The following PRKAR1B variants were observed in gnomAD, a reference collection of about 807,000 sequenced individuals.
PRKAR1B encodes cAMP-dependent protein kinase type I-beta regulatory subunit.
A neutral mutation model predicts 46.5 loss-of-function variants in PRKAR1B; 22 were observed. The observed-to-expected ratio is 0.47, with a 90% CI of 0.34 to 0.68. PRKAR1B has a LOEUF of 0.68. PRKAR1B is among the 30% of genes least tolerant of loss of function. The pLI is 0.01. For missense variants in PRKAR1B, 445 were observed against 535.6 expected (o/e 0.83, Z 1.67); for synonymous variants, 259 against 217.7 (o/e 1.19, Z -1.67).
At position 636,411 on chromosome 7, in the gene PRKAR1B, G is replaced by GA. The variant is rs527654634; in HGVS notation, c.441-28960_441-28959insT. Among the ~76,000 whole-genome samples, 20 of 86,374 alleles carry GA rather than the reference G, an allele frequency of 2.3e-4. 1 individual carries two copies. Among genetic ancestry groups the GA allele is most frequent in the South Asian group, 1.1e-3 (3 of 2,664 alleles). The allele number at this position is 86,374 out of a possible 152,430, so 56.7% of individuals were successfully genotyped here. On this transcript the variant is annotated intron_variant, in intron 4 of 10. Transcript: ENST00000537384. ...GGCCGCGCCCTCACGTCCTCCACCG[G>GA]CCGCGCCCACACGTCCTCCACCGGC... is the stretch of plus-strand genomic sequence containing the variant.
intron 4 of PRKAR1B, among the ~76,000 whole-genome samples, chr7:629,214 T>C (rs1174067670): frequency 6.6e-6 from 1 of 152,264 alleles, no homozygotes; most frequent in Non-Finnish European, 1.5e-5. Flanking sequence ...CTGGTTCCAC[T>C]GTAGCCCTCA....
chr7:672,107 A>G (rs778299589), intron 4 of PRKAR1B, among the ~76,000 whole-genome samples: 1 of 152,050 alleles, frequency 6.6e-6, no homozygotes, highest in Non-Finnish European at 1.5e-5. Flanking sequence ...CTGGCACACA[A>G]TGAATCCTCT....
At chr7:583,700 T>A (rs112858952) in intron 8 of PRKAR1B, among the ~76,000 whole-genome samples, 5 of 50,764 alleles carry the variant, frequency 9.8e-5, no homozygotes, top group Non-Finnish European at 1.7e-4. Context: ...ACTCACACCC[T>A]CACACACGTG....
chr7:647,131 C>T (rs753137407), intron 4 of PRKAR1B, among the ~76,000 whole-genome samples: 33 of 152,228 alleles, frequency 2.2e-4, no homozygotes, highest in Admixed American at 5.2e-4. Flanking sequence ...TCCTACAGGG[C>T]GCCCAAACTC....
chr7:589,408 G>A (rs28663618), intron 7 of PRKAR1B, among the ~76,000 whole-genome samples: 7 of 151,496 alleles, frequency 4.6e-5, no homozygotes, highest in African/African-American at 1.2e-4. Context: ...CCCAGCCCTC[G>A]TCCTCAGCAG....
intron 2 of PRKAR1B, among the ~76,000 whole-genome samples, chr7:685,184 G>A (rs930058823): frequency 5.5e-5 from 8 of 144,552 alleles, no homozygotes; most frequent in African/African-American, 1.6e-4. Flanking sequence ...CAAAGACAGA[G>A]AAAAACCATG....
At chr7:624,368 G>T (rs1783269345) in intron 4 of PRKAR1B, among the ~76,000 whole-genome samples, 1 of 152,096 alleles carries the variant, frequency 6.6e-6, no homozygotes, top group Admixed American at 6.5e-5. Context: ...AGAAGGTGGG[G>T]GTTGCATTGA....
chr7:606,095 C>G, intron 6 of PRKAR1B, 98 bp downstream of exon 6: 1 of 1,123,156 alleles, frequency 8.9e-7, no homozygotes, highest in Non-Finnish European at 1.4e-6. Flanking sequence ...GCACTCAGCG[C>G]AGTGTTTGTT....
At chr7:587,476 C>T (rs900845432) in intron 7 of PRKAR1B, among the ~76,000 whole-genome samples, 7 of 152,310 alleles carry the variant, frequency 4.6e-5, no homozygotes, top group Middle Eastern at 3.4e-3. Flanking sequence ...GGGGGTCTGC[C>T]CTGGCCCCGC....
chr7:715,597 A>G (rs1780843832), intron 1 of PRKAR1B, among the ~76,000 whole-genome samples: 1 of 152,136 alleles, frequency 6.6e-6, no homozygotes, highest in Admixed American at 6.5e-5. Flanking sequence ...CAGCAAAGGT[A>G]TTCACATTTC....
chr7:562,991 G>A (rs539232904), intron 9 of PRKAR1B, among the ~76,000 whole-genome samples: 231 of 152,312 alleles, frequency 1.5e-3, no homozygotes, highest in Admixed American at 2.5e-3. Context: ...CCAGGGTGCT[G>A]GACACCAGAA....
intron 4 of PRKAR1B, among the ~76,000 whole-genome samples, chr7:629,499 C>T (rs1202721011): frequency 7.9e-6 from 1 of 125,894 alleles, no homozygotes; most frequent in Non-Finnish European, 1.6e-5. Context: ...AGCGGGGCCA[C>T]GGCCTCCGAA....
At chr7:584,031 G>A (rs113655185) in intron 8 of PRKAR1B, among the ~76,000 whole-genome samples, 1,604 of 152,304 alleles carry the variant, frequency 0.011, 26 homozygotes, top group African/African-American at 0.037. Flanking sequence ...TATCCTTCCC[G>A]GAACTGAGAG....
chr7:554,800 CA>C (rs1376591513), intron 9 of PRKAR1B, among the ~76,000 whole-genome samples: 1 of 148,778 alleles, frequency 6.7e-6, no homozygotes, highest in Non-Finnish European at 1.5e-5. Flanking sequence ...AGCCGGAAGA[CA>C]GGGGAGACCA....
At chr7:724,594 G>A (rs1781184483) in intron 1 of PRKAR1B, among the ~76,000 whole-genome samples, 1 of 152,214 alleles carries the variant, frequency 6.6e-6, no homozygotes, top group African/African-American at 2.4e-5. Flanking sequence ...TTAGCAGCGT[G>A]AAAATGGACT....
Position 727,279 on chromosome 7 carries a change from TG to T in PRKAR1B, c.-93del. On this transcript the variant is annotated 5_prime_UTR_variant, in exon 1 of 11. Coordinates refer to ENST00000537384, the MANE Select transcript of PRKAR1B (RefSeq NM_001164760.2). Reference sequence around the variant, plus strand: ...CTTCGCCGCCGTGCGCCGCGAGAGCTGCAGCTGCGCCGCCGCCCTGGCGCAG... The same window carrying T: ...CTTCGCCGCCGTGCGCCGCGAGAGCTCAGCTGCGCCGCCGCCCTGGCGCAG... 2 of 1,312,224 alleles carry T rather than the reference TG, an allele frequency of 1.5e-6. No individual in the cohort carries two copies. The highest frequency in any genetic ancestry group is 2.1e-5 in the South Asian group (1 of 48,230). 81.3% of individuals were successfully genotyped at this position (1,312,224 alleles called of 1,614,324 possible).
chr7:677,127 G>A (rs1778372007), intron 4 of PRKAR1B, 102 bp downstream of exon 4: 1 of 1,113,326 alleles, frequency 9.0e-7, no homozygotes, highest in Admixed American at 1.8e-5. Context: ...CTGGAGGCCA[G>A]GGAGGGAGGC....
intron 3 of PRKAR1B, among the ~76,000 whole-genome samples, chr7:678,591 C>A (rs1000968836): frequency 6.6e-6 from 1 of 152,240 alleles, no homozygotes. Flanking sequence ...AATGAAACCA[C>A]GCAGGAAGGT....
At chr7:571,870 C>T (rs1490845181) in intron 9 of PRKAR1B, among the ~76,000 whole-genome samples, 3 of 152,202 alleles carry the variant, frequency 2.0e-5, no homozygotes, top group South Asian at 4.1e-4. Context: ...GGACCGTCCC[C>T]GCCTCCGGGA....
Sources: allele counts gnomAD v4.1 joint callset (sites outside exome capture counted in the v4.1 genomes callset), GRCh38; gene constraint gnomAD v4.1.1; transcripts MANE v1.5; gene names NCBI Gene and HGNC (gene_info 2026-07-23, HGNC 2026-07-21).